The following TMCO4 variants were observed in gnomAD, a reference collection of about 807,000 sequenced individuals.
TMCO4 encodes transmembrane and coiled-coil domains 4.
TMCO4 carries 58 observed loss-of-function variants against 64.7 expected under a neutral mutation model. The observed-to-expected ratio is 0.90, with a 90% CI of 0.73 to 1.12. The LOEUF is 1.12. Among genes scored for constraint, TMCO4 ranks in the 50% most tolerant of loss-of-function variants. TMCO4 has a pLI of 0.00. For synonymous variants in TMCO4, 325 were observed against 346.1 expected, an observed-to-expected ratio of 0.94 and a Z score of 0.68; for missense variants, 780 against 825.9, an observed-to-expected ratio of 0.94 and a Z score of 0.68.
intron 13 of TMCO4, among the ~76,000 whole-genome samples, chr1:19,736,809 C>A (rs766316613): frequency 1.3e-5 from 2 of 152,188 alleles, no homozygotes; most frequent in Non-Finnish European, 2.9e-5. Context: ...CCACCCAGAA[C>A]CTGTGAATGC....
intron 3 of TMCO4, among the ~76,000 whole-genome samples, chr1:19,783,037 T>C (rs965692340): frequency 3.3e-5 from 5 of 152,188 alleles, no homozygotes; most frequent in African/African-American, 7.2e-5. Flanking sequence ...AAATGCTTGT[T>C]TAAAAAATAA....
intron 3 of TMCO4, among the ~76,000 whole-genome samples, chr1:19,781,356 A>G (rs1257243845): frequency 6.6e-6 from 1 of 151,942 alleles, no homozygotes; most frequent in Non-Finnish European, 1.5e-5. Flanking sequence ...AGTTCCAGCT[A>G]CTTAGGAAGC....
At chr1:19,697,953 G>A (rs1201744512) in intron 14 of TMCO4, among the ~76,000 whole-genome samples, 1 of 152,024 alleles carries the variant, frequency 6.6e-6, no homozygotes. Context: ...TTGTGTGCCT[G>A]GTACTTCTTC....
At chr1:19,709,360 G>A (rs2095319341) in intron 13 of TMCO4, among the ~76,000 whole-genome samples, 2 of 145,896 alleles carry the variant, frequency 1.4e-5, no homozygotes, top group Non-Finnish European at 3.0e-5. Context: ...CACCCCAGGG[G>A]GACTAAAGCT....
At chr1:19,766,006 C>T (rs2042721314) in intron 6 of TMCO4, among the ~76,000 whole-genome samples, 2 of 152,182 alleles carry the variant, frequency 1.3e-5, no homozygotes, top group African/African-American at 4.8e-5. Flanking sequence ...GGGTCGCCCA[C>T]CCATCCTTCT....
intron 14 of TMCO4, 44 bp downstream of exon 14, chr1:19,700,724 C>T (rs375460018): frequency 1.1e-4 from 159 of 1,503,574 alleles, no homozygotes; most frequent in African/African-American, 4.9e-4. Context: ...CTAAGTGCTC[C>T]GTAAGCATTG....
Position 19,734,171 on chromosome 1 carries a change from A to G in TMCO4, c.1264+3201T>C, listed in dbSNP as rs1005098408. ...AGAGAGGACGGACCAAGAGGGAACA[A>G]TGGAAATAGAGCTTGGTCTGCTGGA... On this transcript the variant is annotated intron_variant, in intron 13 of 15. Coordinates refer to ENST00000294543, the MANE Select transcript of TMCO4 (RefSeq NM_181719.7). This position sits in a 1 kb window ranked among gnomAD's most constrained non-coding sequence, Gnocchi z 4.4. Among the ~76,000 whole-genome samples, 48 of 152,284 alleles carry G rather than the reference A, an allele frequency of 3.2e-4. No individual in the cohort carries two copies. Among genetic ancestry groups the G allele is most frequent in the African/African-American group, 1.1e-3 (44 of 41,554 alleles).
chr1:19,778,560 C>A (rs79981913), intron 4 of TMCO4, among the ~76,000 whole-genome samples: 1 of 152,062 alleles, frequency 6.6e-6, no homozygotes, highest in Admixed American at 6.5e-5. Flanking sequence ...CCACTGCACC[C>A]GGCTACATCA....
intron 10 of TMCO4, 59 bp downstream of exon 10, chr1:19,745,473 G>C (rs1344976135): frequency 1.9e-6 from 3 of 1,610,216 alleles, no homozygotes; most frequent in African/African-American, 2.7e-5. Flanking sequence ...CCTAGCCCAG[G>C]GTCTGGCCCA....
intron 6 of TMCO4, among the ~76,000 whole-genome samples, chr1:19,763,939 A>G (rs2042617402): frequency 6.6e-6 from 1 of 152,192 alleles, no homozygotes; most frequent in South Asian, 2.1e-4. Context: ...CTTGGGGATG[A>G]TTCTTGCCTT....
chr1:19,758,903 C>T (rs531902316), intron 6 of TMCO4, among the ~76,000 whole-genome samples: 1 of 152,140 alleles, frequency 6.6e-6, no homozygotes, highest in East Asian at 1.9e-4. Context: ...GAGTTCAAGA[C>T]CAGCATGGCC....
Position 19,694,487 on chromosome 1 carries a change from G to C in TMCO4, c.1447C>G (p.Gln483Glu). 1 of 1,614,164 alleles carries C rather than the reference G, an allele frequency of 6.2e-7. No individual in the cohort carries two copies. Among genetic ancestry groups the C allele is most frequent in the Middle Eastern group, 1.6e-4 (1 of 6,062 alleles). Residue 483 changes from glutamine (Q) to glutamate (E), a missense_variant, in exon 15 of 16, where the codon CAG (glutamine) becomes GAG (glutamate). Physicochemically the swap from Gln to Glu is conservative, Grantham distance 29. Transcript: ENST00000294543. ...CTCCTGTCCTGCAGCAGCACGGGCT[G>C]TAGGCCGGCGACACGGAGCTGCACC... ...SSVQLRVAGLQPVLLQDRRVE... is the reference protein window; with the variant it reads ...SSVQLRVAGLEPVLLQDRRVE...
intron 1 of TMCO4, among the ~76,000 whole-genome samples, chr1:19,798,774 G>A (rs1571096732): frequency 6.6e-6 from 1 of 152,204 alleles, no homozygotes; most frequent in South Asian, 2.1e-4. Context: ...CCACCCTCTG[G>A]AGTGTACTTC....
intron 7 of TMCO4, among the ~76,000 whole-genome samples, chr1:19,754,329 CT>C (rs1416236845): frequency 1.3e-5 from 2 of 152,128 alleles, no homozygotes; most frequent in African/African-American, 4.8e-5. Flanking sequence ...CTAGGATGCC[CT>C]CGTGATTATG....
At chr1:19,725,474 T>G (rs1223603079) in intron 13 of TMCO4, among the ~76,000 whole-genome samples, 1 of 152,160 alleles carries the variant, frequency 6.6e-6, no homozygotes, top group Non-Finnish European at 1.5e-5. Flanking sequence ...TTCAAAGACT[T>G]TTAAAAGCAA....
At chr1:19,705,833 C>T (rs1267727170) in intron 13 of TMCO4, among the ~76,000 whole-genome samples, 1 of 152,062 alleles carries the variant, frequency 6.6e-6, no homozygotes, top group Non-Finnish European at 1.5e-5. Context: ...GGTTCAAAAC[C>T]TTATAATACT....
chr1:19,724,141 T>G (rs1304932671), intron 13 of TMCO4, among the ~76,000 whole-genome samples: 1 of 152,232 alleles, frequency 6.6e-6, no homozygotes, highest in East Asian at 1.9e-4. Context: ...TGTAACTCAC[T>G]CCCCTGAGAG....
intron 15 of TMCO4, among the ~76,000 whole-genome samples, chr1:19,693,592 AC>A (rs1472339723): frequency 1.3e-5 from 2 of 152,180 alleles, no homozygotes; most frequent in African/African-American, 4.8e-5. Context: ...CTGCCCCTGC[AC>A]CCCAGCCTAG....
intron 13 of TMCO4, among the ~76,000 whole-genome samples, chr1:19,730,460 A>C (rs2095425625): frequency 6.6e-6 from 1 of 152,234 alleles, no homozygotes; most frequent in Non-Finnish European, 1.5e-5. Flanking sequence ...TTCAACTTCA[A>C]GTTCCATTTA....
Sources: gnomAD v4.1 joint callset for allele counts (sites outside exome capture counted in the v4.1 genomes callset) on GRCh38, gnomAD v4.1.1 for gene constraint, Gnocchi (gnomAD v3.1) non-coding constraint, MANE v1.5 for transcripts, NCBI Gene and HGNC (gene_info 2026-07-23, HGNC 2026-07-21) for gene names.